Variants in LDB2 observed in about 807,000 individuals in gnomAD.
LDB2 encodes LIM domain-binding protein 2.
LDB2 carries 12 observed loss-of-function variants against 44.3 expected under a neutral mutation model. The observed-to-expected ratio is 0.27, with a 90% CI of 0.17 to 0.44. The LOEUF (loss-of-function observed/expected upper bound fraction) is 0.44. LDB2 is among the 20% of genes least tolerant of loss of function. LDB2 has a pLI of 1.00. For missense variants in LDB2, 344 were observed against 473.5 expected (o/e 0.73, Z 2.54); for synonymous variants, 164 against 174.8 (o/e 0.94, Z 0.49).
At chr4:16,658,068 G>C (rs1455559924) in intron 2 of LDB2, among the ~76,000 whole-genome samples, 1 of 152,146 alleles carries the variant, frequency 6.6e-6, no homozygotes, top group Non-Finnish European at 1.5e-5. Flanking sequence ...TCAACTTGAT[G>C]ATGTTGTAAG....
rs747031201 is a variant in LDB2, at chr4:16,739,587, A to ATATATATATATATAT, written c.235+19570_235+19571insATATATATATATATA. On this transcript the variant is annotated intron_variant, in intron 2 of 7. Coordinates refer to ENST00000304523, the MANE Select transcript of LDB2 (RefSeq NM_001290.5). ...GGTGACAGAGGGAAAAAAAAAAAAA[A>ATATATATATATATAT]AAATATATATATATATATATATGTA... is the stretch of plus-strand genomic sequence containing the variant. Among the ~76,000 whole-genome samples the ATATATATATATATAT allele has an allele frequency of 3.1e-5, 2 of 65,380 alleles. 1 individual carries two copies. Among genetic ancestry groups the ATATATATATATATAT allele is most frequent in the African/African-American group, 1.4e-4 (2 of 14,734 alleles). 42.9% of individuals were successfully genotyped at this position (65,380 alleles called of 152,430 possible). A position where few individuals can be genotyped will look rare whatever the true frequency, so the allele number is the denominator to read the frequency against.
chr4:16,819,609 G>A (rs1781591567), intron 1 of LDB2, among the ~76,000 whole-genome samples: 1 of 151,296 alleles, frequency 6.6e-6, no homozygotes, highest in African/African-American at 2.4e-5. Flanking sequence ...AATTTGAGAT[G>A]TAACACAATT....
chr4:16,715,219 G>A (rs533565405), intron 2 of LDB2, among the ~76,000 whole-genome samples: 5 of 152,118 alleles, frequency 3.3e-5, no homozygotes, highest in African/African-American at 1.2e-4. Flanking sequence ...GAGGCAGAAG[G>A]CCTCTAGTAC....
chr4:16,826,698 A>G (rs1010584927), intron 1 of LDB2: 2 of 152,208 alleles, frequency 1.3e-5, no homozygotes, highest in African/African-American at 4.8e-5. Flanking sequence ...GAAAAGGGAA[A>G]ATCCTCTTTC....
At chr4:16,600,095 C>A (rs1017145569) in intron 2 of LDB2, among the ~76,000 whole-genome samples, 3 of 152,126 alleles carry the variant, frequency 2.0e-5, no homozygotes, top group Admixed American at 6.6e-5. Flanking sequence ...CTGCAGTCAA[C>A]CATGCCACTG....
intron 1 of LDB2, among the ~76,000 whole-genome samples, chr4:16,847,972 C>A (rs1787421033): frequency 6.6e-6 from 1 of 150,884 alleles, no homozygotes; most frequent in African/African-American, 2.4e-5. Context: ...AATGAAAAAG[C>A]CAAATATAAA....
At chr4:16,823,270 A>G (rs1782447191) in intron 1 of LDB2, among the ~76,000 whole-genome samples, 1 of 152,220 alleles carries the variant, frequency 6.6e-6, no homozygotes, top group Non-Finnish European at 1.5e-5. Flanking sequence ...GACCTGCCCA[A>G]TGGCCAAAGC....
rs545522262 is a variant in LDB2 at position 16,869,333 on chromosome 4, G to A, written c.132+29021C>T. Among the ~76,000 whole-genome samples, 10 of 151,362 alleles carry A rather than the reference G, an allele frequency of 6.6e-5. No individual in the cohort carries two copies. In the South Asian group the frequency reaches 1.7e-3, roughly 25 times the overall value. On this transcript the variant is annotated intron_variant, in intron 1 of 7. Transcript: ENST00000304523. Reference sequence around the variant, plus strand: ...AAAAAAAAAAAACTCAGAAATGCTCGAAGTTTTGGGAAAGGTGCTATGCTG... The same window carrying A: ...AAAAAAAAAAAACTCAGAAATGCTCAAAGTTTTGGGAAAGGTGCTATGCTG...
chr4:16,503,233 G>A (rs1718007858), intron 7 of LDB2: 2 of 1,240,896 alleles, frequency 1.6e-6, no homozygotes, highest in African/African-American at 1.5e-5. Flanking sequence ...CTTCTGCTGG[G>A]TGCTTCTCAA....
At chr4:16,561,594 C>G (rs1203004592) in intron 5 of LDB2, among the ~76,000 whole-genome samples, 1 of 152,156 alleles carries the variant, frequency 6.6e-6, no homozygotes, top group Non-Finnish European at 1.5e-5. Context: ...GAAGAACATT[C>G]CATGCTCATG....
At chr4:16,588,449 T>C (rs963073608) in intron 4 of LDB2, among the ~76,000 whole-genome samples, 5 of 152,236 alleles carry the variant, frequency 3.3e-5, no homozygotes, top group African/African-American at 1.2e-4. Flanking sequence ...AAACTGTTTA[T>C]TGAAGTAACC....
intron 2 of LDB2, among the ~76,000 whole-genome samples, chr4:16,620,635 A>T (rs1728611394): frequency 6.6e-6 from 1 of 152,190 alleles, no homozygotes. Flanking sequence ...ATGAAATCTT[A>T]TCAGAGAGCT....
chr4:16,639,674 G>C (rs181297552), intron 2 of LDB2, among the ~76,000 whole-genome samples: 1 of 152,300 alleles, frequency 6.6e-6, no homozygotes, highest in Admixed American at 6.5e-5. Flanking sequence ...TGGTCAGGCT[G>C]GTCTCAAACT....
intron 1 of LDB2, among the ~76,000 whole-genome samples, chr4:16,793,155 G>A (rs1023085168): frequency 1.3e-5 from 2 of 152,134 alleles, no homozygotes; most frequent in African/African-American, 4.8e-5. Flanking sequence ...GAATCTATAG[G>A]CTTCCTTCAG....
intron 1 of LDB2, among the ~76,000 whole-genome samples, chr4:16,771,529 G>A (rs542214565): frequency 6.6e-6 from 1 of 152,078 alleles, no homozygotes; most frequent in South Asian, 2.1e-4. Context: ...CATGGCCAAA[G>A]CCAGATATCT....
intron 5 of LDB2, among the ~76,000 whole-genome samples, chr4:16,545,199 C>T (rs1275352148): frequency 1.3e-5 from 2 of 150,588 alleles, no homozygotes; most frequent in African/African-American, 2.4e-5. Flanking sequence ...TTTCTTCCCT[C>T]CCTTCCTTCT....
chr4:16,892,406 A>G (rs1172173753), intron 1 of LDB2, among the ~76,000 whole-genome samples: 3 of 152,232 alleles, frequency 2.0e-5, no homozygotes, highest in Admixed American at 1.3e-4. Flanking sequence ...CAGAATTTAA[A>G]TTTTAAAAAA....
At chr4:16,723,951 A>T (rs1758877904) in intron 2 of LDB2, among the ~76,000 whole-genome samples, 1 of 151,966 alleles carries the variant, frequency 6.6e-6, no homozygotes, top group Admixed American at 6.6e-5. Flanking sequence ...AATAGAGCCA[A>T]TTTTTCATCC....
At chr4:16,511,082 C>G (rs1721551028) in intron 6 of LDB2, among the ~76,000 whole-genome samples, 1 of 152,150 alleles carries the variant, frequency 6.6e-6, no homozygotes, top group Admixed American at 6.6e-5. Context: ...ATTTTCTCAG[C>G]TTTCTAAATA....
Sources: allele counts gnomAD v4.1 joint callset (sites outside exome capture counted in the v4.1 genomes callset), GRCh38; gene constraint gnomAD v4.1.1; transcripts MANE v1.5; gene names NCBI Gene and HGNC (gene_info 2026-07-23, HGNC 2026-07-21).